SLIT3: variants seen among roughly 807,000 people sequenced by gnomAD.
SLIT3 encodes the protein slit guidance ligand 3, also known as slit homolog 3 protein.
In SLIT3, 68 loss-of-function variants were observed where a neutral mutation model predicts 184.0. The observed-to-expected ratio is 0.37, with a 90% CI of 0.30 to 0.45. The LOEUF (loss-of-function observed/expected upper bound fraction) is 0.45. Among genes scored for constraint, SLIT3 ranks in the 20% least tolerant of loss-of-function variants. The pLI, the probability that SLIT3 is intolerant of heterozygous loss-of-function variation, is 1.00. For synonymous variants in SLIT3, 831 were observed against 828.6 expected, an observed-to-expected ratio of 1.00 and a Z score of -0.05; for missense variants, 1,707 against 2,026.0, an observed-to-expected ratio of 0.84 and a Z score of 3.02.
intron 4 of SLIT3, among the ~76,000 whole-genome samples, chr5:168,891,336 A>G (rs949634550): frequency 1.3e-5 from 2 of 152,164 alleles, no homozygotes; most frequent in Non-Finnish European, 2.9e-5. Flanking sequence ...GCCACTCAGG[A>G]GCCCGGGGAG....
At chr5:169,145,855 C>G (rs1165976925) in intron 4 of SLIT3, among the ~76,000 whole-genome samples, 1 of 152,194 alleles carries the variant, frequency 6.6e-6, no homozygotes, top group Non-Finnish European at 1.5e-5. Context: ...CGAGGCCAGC[C>G]TGGCCAACAT....
chr5:169,083,592 A>G (rs573034371), intron 4 of SLIT3, among the ~76,000 whole-genome samples: 1 of 152,308 alleles, frequency 6.6e-6, no homozygotes, highest in East Asian at 1.9e-4. Context: ...CCTCTCCAGC[A>G]TGTGTGTTTG....
chr5:169,018,412 G>C (rs1294129542), intron 4 of SLIT3: 1 of 152,182 alleles, frequency 6.6e-6, no homozygotes, highest in Non-Finnish European at 1.5e-5. Flanking sequence ...CTGCTCAGTT[G>C]CCAGAGTATC....
intron 4 of SLIT3, among the ~76,000 whole-genome samples, chr5:169,073,940 C>T (rs558603708): frequency 6.6e-6 from 1 of 152,234 alleles, no homozygotes; most frequent in East Asian, 1.9e-4. Context: ...GTGTGCTTTC[C>T]CAGACTCTCT....
At chr5:169,165,525 T>A (rs1022333103) in intron 4 of SLIT3, among the ~76,000 whole-genome samples, 7 of 152,250 alleles carry the variant, frequency 4.6e-5, no homozygotes, top group African/African-American at 1.7e-4. Context: ...TTTATTGTGA[T>A]CACATTTCAT....
At chr5:169,124,009 C>T (rs1357201645) in intron 4 of SLIT3, among the ~76,000 whole-genome samples, 2 of 152,186 alleles carry the variant, frequency 1.3e-5, no homozygotes, top group Non-Finnish European at 2.9e-5. Flanking sequence ...TCTCATCAAG[C>T]AAGGGCAATT....
intron 11 of SLIT3, among the ~76,000 whole-genome samples, chr5:168,787,331 G>C (rs1196894980): frequency 4.6e-5 from 7 of 152,184 alleles, no homozygotes; most frequent in Admixed American, 2.0e-4. Flanking sequence ...CATGCCTTGG[G>C]ATAGCAGGCT....
At chr5:169,025,315 G>A (rs1756774279) in intron 4 of SLIT3, among the ~76,000 whole-genome samples, 1 of 152,214 alleles carries the variant, frequency 6.6e-6, no homozygotes, top group South Asian at 2.1e-4. Flanking sequence ...AGACTCCAGA[G>A]TTCCCAGCTC....
intron 2 of SLIT3, 67 bp downstream of exon 2, chr5:169,251,320 TG>T: frequency 1.8e-6 from 2 of 1,088,738 alleles, no homozygotes; most frequent in South Asian, 1.2e-5. Context: ...TCAGGGGCAG[TG>T]GAACATTTTT....
In SLIT3 at chr5:168,669,964, A is replaced by C. The variant is rs748631063; in HGVS notation, c.4155T>G (p.Thr1385=). ...CACACTTGCACATGTATGAGGTCCCAGTTGCCACACATTTTCCATGGTGGC... is the reference window on the plus strand; with the variant it reads ...CACACTTGCACATGTATGAGGTCCCCGTTGCCACACATTTTCCATGGTGGC... The part of the protein sequence containing the change: ...HRCHHGKCVA[T]GTSYMCKCAE... The change falls in exon 35 of 36, where the codon ACT becomes ACG. Residue 1385 remains threonine (T), a synonymous_variant. Coordinates refer to ENST00000519560, the MANE Select transcript of SLIT3 (RefSeq NM_003062.4). The C allele has an allele frequency of 5.6e-6, 9 of 1,614,046 alleles. No homozygotes were observed. The African/African-American group carries it at 1.2e-4, about 22-fold the overall frequency.
In SLIT3 at chr5:168,687,947, C is replaced by T. The variant is rs372683229; in HGVS notation, c.3177-831G>A. Among the ~76,000 whole-genome samples, 10 of 152,296 alleles carry T rather than the reference C, an allele frequency of 6.6e-5. No homozygotes were observed. In the East Asian group the frequency reaches 7.7e-4, roughly 12 times the overall value. On this transcript the variant is annotated intron_variant, in intron 29 of 35. Coordinates refer to ENST00000519560, the MANE Select transcript of SLIT3 (RefSeq NM_003062.4). Reference sequence around the variant, plus strand: ...TCTGGCCCTTCCTAAAAGAGTGGTGCGTCAGCAATTCCATTATTGCCCCTT... The same window carrying T: ...TCTGGCCCTTCCTAAAAGAGTGGTGTGTCAGCAATTCCATTATTGCCCCTT...
intron 4 of SLIT3, among the ~76,000 whole-genome samples, chr5:168,972,438 T>C (rs1754611217): frequency 6.6e-6 from 1 of 151,080 alleles, no homozygotes; most frequent in South Asian, 2.1e-4. Flanking sequence ...GGGTGGATTA[T>C]GGCGGACCCT....
In SLIT3 at chr5:168,834,686, CAAAAAAAAAAAAAAAAAAAAAAAAAAA is replaced by C. The variant is rs540528948; in HGVS notation, c.557+9871_557+9897del. ...TGGGACACACAGCGAGACTCTGTCT[CAAAAAAAAAAAAAAAAAAAAAAAAAAA>C]AAAAAAAAAAAAGATGGAGGTGGAA... On this transcript the variant is annotated intron_variant, in intron 6 of 35. Transcript: ENST00000519560. Among the ~76,000 whole-genome samples, 2 of 37,426 alleles carry C rather than the reference CAAAAAAAAAAAAAAAAAAAAAAAAAAA, an allele frequency of 5.3e-5. 1 individual carries two copies. The highest frequency in any genetic ancestry group is 2.1e-3 in the South Asian group (2 of 946). 24.6% of individuals were successfully genotyped at this position (37,426 alleles called of 152,430 possible).
intron 3 of SLIT3, among the ~76,000 whole-genome samples, chr5:169,208,175 A>G (rs75780405): frequency 0.061 from 9,290 of 152,274 alleles, 444 homozygotes; most frequent in East Asian, 0.19. Flanking sequence ...TAAGAAATTC[A>G]TATTCTGTGA....
chr5:168,857,103 G>T (rs947794399), intron 5 of SLIT3, among the ~76,000 whole-genome samples: 1 of 152,082 alleles, frequency 6.6e-6, no homozygotes, highest in African/African-American at 2.4e-5. Flanking sequence ...AACATCTGGG[G>T]GGCCCACAGA....
intron 5 of SLIT3, among the ~76,000 whole-genome samples, chr5:168,881,722 C>T (rs994732461): frequency 6.6e-6 from 1 of 152,164 alleles, no homozygotes; most frequent in Non-Finnish European, 1.5e-5. Flanking sequence ...GTTAAAAGTG[C>T]CAGTTCAGGA....
At chr5:168,947,052 G>A (rs768612299) in intron 4 of SLIT3, among the ~76,000 whole-genome samples, 1 of 151,980 alleles carries the variant, frequency 6.6e-6, no homozygotes, top group African/African-American at 2.4e-5. Context: ...ATATATTGTG[G>A]TGTCCCCTTT....
intron 4 of SLIT3, chr5:169,037,896 T>C (rs1022687391): frequency 6.6e-6 from 1 of 152,256 alleles, no homozygotes; most frequent in Non-Finnish European, 1.5e-5. Context: ...CTCATGATAT[T>C]CTTTTTCACG....
intron 4 of SLIT3, among the ~76,000 whole-genome samples, chr5:168,989,375 G>A (rs76989583): frequency 0.047 from 7,184 of 152,286 alleles, 260 homozygotes; most frequent in Admixed American, 0.095. Flanking sequence ...AAGATGAGCT[G>A]CAAACTTAGG....
Sources: gnomAD v4.1 joint callset for allele counts (sites outside exome capture counted in the v4.1 genomes callset) on GRCh38, gnomAD v4.1.1 for gene constraint, MANE v1.5 for transcripts, NCBI Gene and HGNC (gene_info 2026-07-23, HGNC 2026-07-21) for gene names.